EMC2: variants seen among roughly 807,000 people sequenced by gnomAD.
The protein encoded by EMC2 is ER membrane protein complex subunit 2, also known as TPR repeat protein 35.
Under a neutral mutation model 51.6 loss-of-function variants are expected in EMC2, and 37 were observed. The ratio of observed to expected loss-of-function variants is 0.72; its 90% CI spans 0.55 to 0.94. EMC2 has a LOEUF of 0.94. Ranked by LOEUF, EMC2 falls within the 40% of genes least tolerant of loss-of-function variation. The pLI is 0.00. For synonymous variants in EMC2, 131 were observed against 112.4 expected (o/e 1.17, Z -1.04); for missense variants, 359 against 350.9 (o/e 1.02, Z -0.18).
Position 108,486,766 on chromosome 8 carries a change from C to A in EMC2, c.*168C>A. 1 of 589,300 alleles carries A rather than the reference C, an allele frequency of 1.7e-6. No individual in the cohort carries two copies. The highest frequency in any genetic ancestry group is 2.7e-6 in the Non-Finnish European group (1 of 374,606). 36.5% of individuals were successfully genotyped at this position (589,300 alleles called of 1,614,324 possible). On this transcript the variant is annotated 3_prime_UTR_variant, in exon 11 of 11. Transcript: ENST00000220853. ...ATAAACCTAAAAATGCCTTTTACTG[C>A]TAAGTGGGGAGATGGGGGAAATCCA...
At position 108,473,710 on chromosome 8, in the gene EMC2, T is replaced by G. The variant is rs149696237; in HGVS notation, c.510-2172T>G. On this transcript the variant is annotated intron_variant, in intron 7 of 10. Transcript: ENST00000220853. Reference sequence around the variant, plus strand: ...ACAATTCTTTAAGGAAAAATTGTGATGTTGGTAAAGTAACACACAGTACCA... The same window carrying G: ...ACAATTCTTTAAGGAAAAATTGTGAGGTTGGTAAAGTAACACACAGTACCA... 1.5e-3 allele frequency: 227 copies of G among 152,108 alleles called. 1 individual carries two copies. The highest frequency in any genetic ancestry group is 5.1e-3 in the African/African-American group (213 of 41,540). 9.4% of individuals were successfully genotyped at this position (152,108 alleles called of 1,614,324 possible).
intron 5 of EMC2, among the ~76,000 whole-genome samples, chr8:108,459,733 T>A (rs375609993): frequency 1.8e-4 from 23 of 127,538 alleles, no homozygotes; most frequent in South Asian, 5.4e-4. Flanking sequence ...TGTGTGTGTG[T>A]GTGTGTGTGT....
At chr8:108,459,539 A>G (rs1255321071) in intron 5 of EMC2, among the ~76,000 whole-genome samples, 1 of 152,164 alleles carries the variant, frequency 6.6e-6, no homozygotes, top group African/African-American at 2.4e-5. Flanking sequence ...CTCCCATTTT[A>G]AAACTATCAG....
intron 7 of EMC2, among the ~76,000 whole-genome samples, chr8:108,472,126 A>G (rs1196983386): frequency 6.6e-6 from 1 of 152,002 alleles, no homozygotes; most frequent in East Asian, 1.9e-4. Flanking sequence ...AGATTCATCA[A>G]TTTTTAACAT....
At position 108,489,094 on chromosome 8, in the gene EMC2, G is replaced by A. The variant is rs1811194352; in HGVS notation, c.*2496G>A. 6.6e-6 allele frequency among the ~76,000 whole-genome samples: 1 copy of A among 152,118 alleles called. No individual in the cohort carries two copies. The highest frequency in any genetic ancestry group is 6.5e-5 in the Admixed American group (1 of 15,270). On this transcript the variant is annotated 3_prime_UTR_variant, in exon 11 of 11. Coordinates refer to ENST00000220853, the MANE Select transcript of EMC2 (RefSeq NM_014673.5). ...CTGAAGGAGGATTAAGGGGATCCTG[G>A]GTCCCTGATATGGCATTGTTGAACA...
At position 108,476,979 on chromosome 8, in the gene EMC2, G is replaced by A. The variant is rs1810959291; in HGVS notation, c.702+87G>A. On this transcript the variant is annotated intron_variant, in intron 9 of 10. Transcript: ENST00000220853. The stretch of plus-strand genomic sequence containing the variant: ...TATCCCCTTCAATCACTCCTCTCCT[G>A]TTTTTTGTATTTTATTGATAAGCAT... The A allele has an allele frequency of 9.5e-6, 6 of 629,424 alleles. No individual in the cohort carries two copies. In the South Asian group the frequency reaches 1.2e-4, roughly 13 times the overall value. 39.0% of individuals were successfully genotyped at this position (629,424 alleles called of 1,614,324 possible). A position where few individuals can be genotyped will look rare whatever the true frequency, so the allele number is the denominator to read the frequency against.
At chr8:108,459,721 A>AGAGAGAGAGAGAGTGTGTGT (rs763020311) in intron 5 of EMC2, among the ~76,000 whole-genome samples, 3 of 136,968 alleles carry the variant, frequency 2.2e-5, no homozygotes, top group African/African-American at 8.9e-5. Context: ...AGAGAGAGAG[A>AGAGAGAGAGAGAGTGTGTGT]GTGTGTGTGT....
chr8:108,459,727 T>A (rs62540840), intron 5 of EMC2, among the ~76,000 whole-genome samples: 1,012 of 51,120 alleles, frequency 0.02, 6 homozygotes, highest in East Asian at 0.062. Context: ...AGAGAGTGTG[T>A]GTGTGTGTGT....
intron 5 of EMC2, among the ~76,000 whole-genome samples, chr8:108,463,482 T>C (rs914339331): frequency 3.3e-5 from 5 of 151,984 alleles, no homozygotes; most frequent in African/African-American, 1.2e-4. Context: ...AGTGGGAGAG[T>C]GCCCAGCATT....
Position 108,475,983 on chromosome 8 carries a change from TG to T in EMC2, c.591+22del, listed in dbSNP as rs1186269148. 21 of 1,363,524 alleles carry T rather than the reference TG, an allele frequency of 1.5e-5. No homozygotes were observed. Among genetic ancestry groups the T allele is most frequent in the Non-Finnish European group, 2.1e-5 (21 of 985,466 alleles). The allele number at this position is 1,363,524 out of a possible 1,614,324, so 84.5% of individuals were successfully genotyped here. A position where few individuals can be genotyped will look rare whatever the true frequency, so the allele number is the denominator to read the frequency against. On this transcript the variant is annotated intron_variant, in intron 8 of 10. Coordinates refer to ENST00000220853, the MANE Select transcript of EMC2 (RefSeq NM_014673.5). ...GCTGAAGTAAGTGTTTTCAGAACAA[TG>T]GCATATAATTTTATTTTGGTTACTA...
At chr8:108,485,668 C>T (rs994455975) in intron 10 of EMC2, among the ~76,000 whole-genome samples, 10 of 150,310 alleles carry the variant, frequency 6.7e-5, no homozygotes, top group East Asian at 5.8e-4. Flanking sequence ...TGGGAATTGT[C>T]AGTCCAGTTA....
In EMC2 at chr8:108,488,039, C is replaced by T. The variant is rs1311936110; in HGVS notation, c.*1441C>T. On this transcript the variant is annotated 3_prime_UTR_variant, in exon 11 of 11. Coordinates refer to ENST00000220853, the MANE Select transcript of EMC2 (RefSeq NM_014673.5). ...TTCTGTAAAGAAAATAGTGCCTGCA[C>T]GTTGTTTCACTACCTTTTCCCCTTC... Among the ~76,000 whole-genome samples, 1 of 152,096 alleles carries T rather than the reference C, an allele frequency of 6.6e-6. No individual in the cohort carries two copies. The highest frequency in any genetic ancestry group is 2.4e-5 in the African/African-American group (1 of 41,412).
Position 108,476,775 on chromosome 8 carries a change from T to A in EMC2, c.592-7T>A. ...AACAGTTTTCAGCACTTTGCAATTT[T>A]TAACAGGTTAAGTATACCCAAGGTG... On this transcript the variant is annotated splice_region_variant and splice_polypyrimidine_tract_variant and intron_variant, in intron 8 of 10. Coordinates refer to ENST00000220853, the MANE Select transcript of EMC2 (RefSeq NM_014673.5). 7.2e-7 allele frequency: 1 copy of A among 1,395,476 alleles called. No homozygotes were observed. Among genetic ancestry groups the A allele is most frequent in the Non-Finnish European group, 1.0e-6 (1 of 982,210 alleles). The allele number at this position is 1,395,476 out of a possible 1,614,324, so 86.4% of individuals were successfully genotyped here.
At chr8:108,470,492 A>T (rs1458703226) in intron 7 of EMC2, among the ~76,000 whole-genome samples, 1 of 152,176 alleles carries the variant, frequency 6.6e-6, no homozygotes, top group Non-Finnish European at 1.5e-5. Context: ...AAAGAGTATT[A>T]TACTCCCTGC....
intron 5 of EMC2, among the ~76,000 whole-genome samples, chr8:108,456,317 A>G (rs1055141282): frequency 7.0e-6 from 1 of 142,814 alleles, no homozygotes; most frequent in African/African-American, 2.7e-5. Flanking sequence ...TGGGCGACAG[A>G]GCAAGACTTC....
rs869162246 is a variant in EMC2 at position 108,456,332 on chromosome 8, C to CAAAAA, written c.363+413_363+417dup. 8.1e-4 allele frequency among the ~76,000 whole-genome samples: 19 copies of CAAAAA among 23,588 alleles called. 2 individuals carry two copies. The highest frequency in any genetic ancestry group is 4.0e-3 in the South Asian group (2 of 502). The allele number at this position is 23,588 out of a possible 152,430, so 15.5% of individuals were successfully genotyped here. ...TGGGCGACAGAGCAAGACTTCGTGT[C>CAAAAA]AAAAAAAAAAAAAAAGAAAAAAAAA... is the stretch of plus-strand genomic sequence containing the variant. On this transcript the variant is annotated intron_variant, in intron 5 of 10. Transcript: ENST00000220853.
chr8:108,453,200 T>C, intron 4 of EMC2, 53 bp downstream of exon 4: 2 of 1,075,788 alleles, frequency 1.9e-6, no homozygotes, highest in South Asian at 1.5e-5. Flanking sequence ...CATGGTGGTG[T>C]TAATTTTTTT....
chr8:108,467,103 A>G (rs1042332253), intron 5 of EMC2, among the ~76,000 whole-genome samples: 1 of 152,090 alleles, frequency 6.6e-6, no homozygotes, highest in Non-Finnish European at 1.5e-5. Context: ...GTTCTTTCCA[A>G]TTGTAAAATT....
intron 10 of EMC2, among the ~76,000 whole-genome samples, chr8:108,479,768 T>C (rs1811013901): frequency 1.3e-5 from 2 of 152,154 alleles, no homozygotes; most frequent in African/African-American, 2.4e-5. Flanking sequence ...TCAGTTTTGT[T>C]TTGTTTTTAA....
Sources: allele counts gnomAD v4.1 joint callset (sites outside exome capture counted in the v4.1 genomes callset), GRCh38; gene constraint gnomAD v4.1.1; transcripts MANE v1.5; gene names NCBI Gene and HGNC (gene_info 2026-07-23, HGNC 2026-07-21).